HS2ST1: variants seen among roughly 807,000 people sequenced by gnomAD.
The protein encoded by HS2ST1 is 2-O-sulfotransferase.
In HS2ST1, 18 loss-of-function variants were observed where a neutral mutation model predicts 42.9. That is an observed-to-expected ratio of 0.42 (90% CI 0.29 to 0.62). HS2ST1 has a LOEUF of 0.62. Ranked by LOEUF, HS2ST1 falls within the 20% of genes least tolerant of loss-of-function variation. The pLI is 0.21. For missense variants in HS2ST1, 334 were observed against 433.8 expected (o/e 0.77, Z 2.04); for synonymous variants, 146 against 152.9 (o/e 0.95, Z 0.33).
chr1:87,033,508 T>C (rs1650291163), intron 1 of HS2ST1, among the ~76,000 whole-genome samples: 1 of 152,120 alleles, frequency 6.6e-6, no homozygotes, highest in Non-Finnish European at 1.5e-5. Context: ...AATTCTTCTA[T>C]ATAAATTTTT....
At chr1:86,958,652 A>G (rs573887602) in intron 1 of HS2ST1, 8 of 152,340 alleles carry the variant, frequency 5.3e-5, no homozygotes, top group South Asian at 4.1e-4. Flanking sequence ...TGATTCTACT[A>G]TGCATTTAAG....
At chr1:86,980,829 C>T (rs11583647) in intron 1 of HS2ST1, among the ~76,000 whole-genome samples, 21,518 of 152,026 alleles carry the variant, frequency 0.14, 1,850 homozygotes, top group African/African-American at 0.24. Context: ...TATTTATTAA[C>T]GGAAAATTGT....
intron 1 of HS2ST1, among the ~76,000 whole-genome samples, chr1:87,035,627 T>C (rs998801709): frequency 2.0e-5 from 3 of 152,194 alleles, no homozygotes; most frequent in East Asian, 1.9e-4. Context: ...AGCATTGATA[T>C]AGACATCTTC....
intron 1 of HS2ST1, among the ~76,000 whole-genome samples, chr1:86,964,503 C>G (rs1016036873): frequency 6.6e-6 from 1 of 152,196 alleles, no homozygotes; most frequent in South Asian, 2.1e-4. Context: ...TCAGGCGTGG[C>G]GGCACGCGCC....
intron 4 of HS2ST1, among the ~76,000 whole-genome samples, chr1:87,094,453 G>A (rs1652017173): frequency 6.6e-6 from 1 of 152,056 alleles, no homozygotes; most frequent in South Asian, 2.1e-4. Flanking sequence ...ATTTTATGGG[G>A]TAGTTGCTGT....
intron 1 of HS2ST1, among the ~76,000 whole-genome samples, chr1:87,053,730 G>A (rs1052670296): frequency 1.3e-5 from 2 of 152,060 alleles, no homozygotes; most frequent in African/African-American, 4.8e-5. Context: ...ATCTACAAGT[G>A]GACAACATGG....
At chr1:87,008,631 CAAGTAGGT>C (rs1367460620) in intron 1 of HS2ST1, among the ~76,000 whole-genome samples, 1 of 152,016 alleles carries the variant, frequency 6.6e-6, no homozygotes, top group East Asian at 1.9e-4. Context: ...TTTAAAATGG[CAAGTAGGT>C]AAATTTATTA....
At chr1:86,964,257 A>C (rs1299375711) in intron 1 of HS2ST1, among the ~76,000 whole-genome samples, 1 of 152,194 alleles carries the variant, frequency 6.6e-6, no homozygotes, top group Non-Finnish European at 1.5e-5. Context: ...AGAGGCTGCA[A>C]TCTCGGCACT....
chr1:86,985,383 T>TATATACAC (rs1413099470), intron 1 of HS2ST1, among the ~76,000 whole-genome samples: 1 of 44,752 alleles, frequency 2.2e-5, no homozygotes, highest in Admixed American at 3.9e-4. Context: ...TATATATATA[T>TATATACAC]ACACACACAC....
At chr1:87,071,562 C>G (rs1472373340) in intron 1 of HS2ST1, among the ~76,000 whole-genome samples, 1 of 152,016 alleles carries the variant, frequency 6.6e-6, no homozygotes, top group East Asian at 1.9e-4. Context: ...AACCGTGTCT[C>G]TACTAAAAAT....
intron 1 of HS2ST1, among the ~76,000 whole-genome samples, chr1:87,044,175 T>C (rs1277688495): frequency 6.6e-6 from 1 of 152,156 alleles, no homozygotes; most frequent in Non-Finnish European, 1.5e-5. Context: ...ATTAAATAAA[T>C]AGCAGTAACA....
chr1:87,109,413 A>G lies in HS2ST1; in HGVS notation c.*4717A>G, dbSNP rs1191752727. ...TTCATTGCTGGTAATAAAATTTCAG[A>G]TGGAAAACTTACAAAATATATACTT... On this transcript the variant is annotated 3_prime_UTR_variant, in exon 7 of 7. Coordinates refer to ENST00000370550, the MANE Select transcript of HS2ST1 (RefSeq NM_012262.4). The G allele has an allele frequency of 6.6e-6, 1 of 152,112 alleles. No individual in the cohort carries two copies. Among genetic ancestry groups the G allele is most frequent in the African/African-American group, 2.4e-5 (1 of 41,436 alleles). 9.4% of individuals were successfully genotyped at this position (152,112 alleles called of 1,614,324 possible). A position where few individuals can be genotyped will look rare whatever the true frequency, so the allele number is the denominator to read the frequency against.
At chr1:87,070,379 C>A (rs1570527887) in intron 1 of HS2ST1, among the ~76,000 whole-genome samples, 1 of 152,070 alleles carries the variant, frequency 6.6e-6, no homozygotes, top group Admixed American at 6.5e-5. Flanking sequence ...TCACTTGAGC[C>A]TGGGAGTTCA....
chr1:86,942,283 C>T (rs1289995556), intron 1 of HS2ST1, among the ~76,000 whole-genome samples: 1 of 152,196 alleles, frequency 6.6e-6, no homozygotes, highest in Non-Finnish European at 1.5e-5. Context: ...ATCACTCAAA[C>T]CAGCCAACTC....
At chr1:87,045,149 A>G in intron 1 of HS2ST1, 3 of 857,594 alleles carry the variant, frequency 3.5e-6, no homozygotes, top group Non-Finnish European at 6.0e-6. Context: ...CATTACTGCC[A>G]TTGGTTATGC....
At chr1:87,030,355 AGGTGT>A (rs1650197787) in intron 1 of HS2ST1, among the ~76,000 whole-genome samples, 1 of 152,108 alleles carries the variant, frequency 6.6e-6, no homozygotes, top group Non-Finnish European at 1.5e-5. Context: ...AAAATTAGTC[AGGTGT>A]GGTGGTGTGT....
Position 87,107,367 on chromosome 1 carries a change from G to A in HS2ST1, c.*2671G>A, listed in dbSNP as rs76786149. 1 of 152,020 alleles carries A rather than the reference G, an allele frequency of 6.6e-6. No individual in the cohort carries two copies. Among genetic ancestry groups the A allele is most frequent in the African/African-American group, 2.4e-5 (1 of 41,518 alleles). The allele number at this position is 152,020 out of a possible 1,614,324, so 9.4% of individuals were successfully genotyped here. A position where few individuals can be genotyped will look rare whatever the true frequency, so the allele number is the denominator to read the frequency against. On this transcript the variant is annotated 3_prime_UTR_variant, in exon 7 of 7. Coordinates refer to ENST00000370550, the MANE Select transcript of HS2ST1 (RefSeq NM_012262.4). ...ATTTATTTTATCATATTTTAGGGTG[G>A]GTTAGGAGTATCCTTTCTGGAGACT...
At chr1:87,064,897 A>G (rs868482177) in intron 1 of HS2ST1, among the ~76,000 whole-genome samples, 1 of 152,302 alleles carries the variant, frequency 6.6e-6, no homozygotes, top group African/African-American at 2.4e-5. Context: ...TCCTCAGCTC[A>G]AGTAAGTGAT....
intron 1 of HS2ST1, among the ~76,000 whole-genome samples, chr1:87,043,352 C>T (rs1394419454): frequency 1.3e-5 from 2 of 151,984 alleles, no homozygotes; most frequent in Non-Finnish European, 1.5e-5. Flanking sequence ...ATGTAGAATA[C>T]AGGATCATTT....
Sources: gnomAD v4.1 joint callset for allele counts (sites outside exome capture counted in the v4.1 genomes callset) on GRCh38, gnomAD v4.1.1 for gene constraint, MANE v1.5 for transcripts, NCBI Gene and HGNC (gene_info 2026-07-23, HGNC 2026-07-21) for gene names.